The following AMPH variants were observed in gnomAD, a reference collection of about 807,000 sequenced individuals.
AMPH encodes amphiphysin.
AMPH carries 49 observed loss-of-function variants against 99.1 expected under a neutral mutation model. That is an observed-to-expected ratio of 0.49 (90% CI 0.39 to 0.63). AMPH has a LOEUF of 0.63. AMPH is among the 20% of genes least tolerant of loss of function. The pLI, the probability that AMPH is intolerant of heterozygous loss-of-function variation, is 0.00. For missense variants in AMPH, 759 were observed against 863.4 expected (o/e 0.88, Z 1.52); for synonymous variants, 314 against 317.3 (o/e 0.99, Z 0.11).
At chr7:38,439,855 C>A (rs1406060217) in intron 11 of AMPH, among the ~76,000 whole-genome samples, 3 of 152,138 alleles carry the variant, frequency 2.0e-5, no homozygotes, top group Non-Finnish European at 4.4e-5. Context: ...CGGACCTCTT[C>A]CAGTGCAGAT....
chr7:38,570,262 A>T (rs2129051612), intron 1 of AMPH, among the ~76,000 whole-genome samples: 1 of 152,314 alleles, frequency 6.6e-6, no homozygotes, highest in Admixed American at 6.5e-5. Flanking sequence ...CCAGTCTTCA[A>T]GCTTCTCATT....
In AMPH at chr7:38,441,869, CAT is replaced by C. The variant is rs200097507; in HGVS notation, c.1018-5483_1018-5482del. ...TATATATCATATATATCATATATAT[CAT>C]ATATATATCATATACATACACACAC... is the stretch of plus-strand genomic sequence containing the variant. On this transcript the variant is annotated intron_variant, in intron 11 of 20. Transcript: ENST00000356264. 1.6e-3 allele frequency among the ~76,000 whole-genome samples: 178 copies of C among 111,948 alleles called. 4 individuals are homozygous for C. The highest frequency in any genetic ancestry group is 6.6e-3 in the African/African-American group (154 of 23,296). 73.4% of individuals were successfully genotyped at this position (111,948 alleles called of 152,430 possible).
intron 20 of AMPH, among the ~76,000 whole-genome samples, chr7:38,386,394 T>C (rs1301925401): frequency 4.6e-5 from 7 of 152,318 alleles, no homozygotes; most frequent in African/African-American, 1.7e-4. Flanking sequence ...TTAAAAATTG[T>C]TTCAATAAAG....
intron 17 of AMPH, among the ~76,000 whole-genome samples, chr7:38,397,303 A>C (rs1784698585): frequency 6.6e-6 from 1 of 152,216 alleles, no homozygotes; most frequent in African/African-American, 2.4e-5. Flanking sequence ...TGACCTATAG[A>C]TGGTGTTGCC....
intron 2 of AMPH, among the ~76,000 whole-genome samples, chr7:38,532,401 A>G (rs1790435215): frequency 6.6e-6 from 1 of 152,226 alleles, no homozygotes; most frequent in African/African-American, 2.4e-5. Flanking sequence ...CCCTATATTA[A>G]CAGTCTATTT....
chr7:38,440,149 T>A (rs765308066), intron 11 of AMPH, among the ~76,000 whole-genome samples: 57 of 152,092 alleles, frequency 3.7e-4, no homozygotes, highest in Non-Finnish European at 7.2e-4. Context: ...AATTTTCTAA[T>A]CAGTGTTAAA....
chr7:38,386,430 C>A (rs3807427), intron 20 of AMPH, among the ~76,000 whole-genome samples: 12,889 of 152,190 alleles, frequency 0.085, 709 homozygotes, highest in Middle Eastern at 0.14. Context: ...CTACACAAAC[C>A]CACAATCAAG....
intron 17 of AMPH, among the ~76,000 whole-genome samples, chr7:38,412,885 GTCT>G (rs1785254658): frequency 6.6e-6 from 1 of 152,210 alleles, no homozygotes; most frequent in African/African-American, 2.4e-5. Context: ...AAAAGGGGAA[GTCT>G]TCTTAGAAAG....
intron 2 of AMPH, among the ~76,000 whole-genome samples, chr7:38,520,874 C>A (rs928470631): frequency 6.6e-6 from 1 of 152,192 alleles, no homozygotes; most frequent in African/African-American, 2.4e-5. Context: ...ACCAACTATT[C>A]ACTGCACCAA....
At chr7:38,416,357 A>G (rs1004466538) in intron 17 of AMPH, among the ~76,000 whole-genome samples, 2 of 152,030 alleles carry the variant, frequency 1.3e-5, no homozygotes, top group Non-Finnish European at 2.9e-5. Flanking sequence ...AATCTATTGC[A>G]CAACATCCAA....
At chr7:38,486,650 G>T (rs373770072) in intron 5 of AMPH, among the ~76,000 whole-genome samples, 1 of 151,956 alleles carries the variant, frequency 6.6e-6, no homozygotes, top group Non-Finnish European at 1.5e-5. Context: ...GACCAGTTTC[G>T]TGATTAACAT....
chr7:38,581,959 G>A (rs1792482496), intron 1 of AMPH, among the ~76,000 whole-genome samples: 1 of 152,148 alleles, frequency 6.6e-6, no homozygotes, highest in African/African-American at 2.4e-5. Context: ...GCTATTAGAT[G>A]CCTAAGAAGA....
intron 2 of AMPH, among the ~76,000 whole-genome samples, chr7:38,519,365 T>C (rs984282695): frequency 3.3e-5 from 5 of 152,238 alleles, no homozygotes; most frequent in Admixed American, 3.3e-4. Context: ...AAATCCAGTA[T>C]GAATTCAGGC....
chr7:38,529,974 T>C (rs1273938019), intron 2 of AMPH, among the ~76,000 whole-genome samples: 1 of 152,220 alleles, frequency 6.6e-6, no homozygotes, highest in Non-Finnish European at 1.5e-5. Flanking sequence ...AATTTTTCTC[T>C]TTAGTCATTT....
At chr7:38,481,386 C>T (rs1788277496) in intron 5 of AMPH, among the ~76,000 whole-genome samples, 1 of 151,972 alleles carries the variant, frequency 6.6e-6, no homozygotes, top group Non-Finnish European at 1.5e-5. Context: ...GTGCACTGAA[C>T]CTCTATAGTT....
intron 4 of AMPH, among the ~76,000 whole-genome samples, chr7:38,492,364 G>C (rs956863305): frequency 2.0e-5 from 3 of 152,166 alleles, no homozygotes; most frequent in African/African-American, 7.2e-5. Context: ...GCCCGTGAAG[G>C]CATGCTAAAA....
chr7:38,391,009 GA>G (rs1562721120), intron 19 of AMPH, among the ~76,000 whole-genome samples: 2 of 56,382 alleles, frequency 3.5e-5, no homozygotes, highest in African/African-American at 1.0e-4. Flanking sequence ...GAGAGAGAGA[GA>G]GAGAGAATGA....
Position 38,461,283 on chromosome 7 carries a change from C to T in AMPH, c.1017G>A (p.Gln339=). ...VPEISVTTPS[Q]NEVPEVKKEE... ...TACCAGCCCTGAACCAGGCACTTAC[C>T]TGGGAAGGTGTTGTCACACTGATTT... is the stretch of plus-strand genomic sequence containing the variant. Residue 339 remains glutamine (Q), a splice_region_variant and synonymous_variant, in exon 11 of 21, where the codon CAG becomes CAA. Coordinates refer to ENST00000356264, the MANE Select transcript of AMPH (RefSeq NM_001635.4). 1.9e-6 allele frequency: 3 copies of T among 1,612,850 alleles called. No homozygotes were observed. Among genetic ancestry groups the T allele is most frequent in the Non-Finnish European group, 2.5e-6 (3 of 1,179,910 alleles).
intron 1 of AMPH, among the ~76,000 whole-genome samples, chr7:38,573,494 T>A (rs1792124148): frequency 6.6e-6 from 1 of 152,232 alleles, no homozygotes; most frequent in African/African-American, 2.4e-5. Flanking sequence ...CACAGCATAT[T>A]GGGTTTAAAG....
Sources: allele counts gnomAD v4.1 joint callset (sites outside exome capture counted in the v4.1 genomes callset), GRCh38; gene constraint gnomAD v4.1.1; transcripts MANE v1.5; gene names NCBI Gene and HGNC (gene_info 2026-07-23, HGNC 2026-07-21).